Variants in PHF24 observed in about 807,000 individuals in gnomAD.
PHF24 encodes the protein PHD finger protein 24, also known as Galpha inhibitory interacting protein.
Under a neutral mutation model 42.6 loss-of-function variants are expected in PHF24, and 25 were observed. The ratio of observed to expected loss-of-function variants is 0.59; its 90% CI spans 0.43 to 0.82. The LOEUF is 0.82. Ranked by LOEUF, PHF24 falls within the 40% of genes least tolerant of loss-of-function variation. PHF24 has a pLI of 0.00. For missense variants in PHF24, 470 were observed against 538.1 expected, an observed-to-expected ratio of 0.87 and a Z score of 1.25; for synonymous variants, 185 against 204.8, an observed-to-expected ratio of 0.90 and a Z score of 0.83.
chr9:34,886,078 G>GA, the PHF24 span, among the ~76,000 whole-genome samples: 2 of 151,780 alleles, frequency 1.3e-5, no homozygotes, highest in East Asian at 3.9e-4. Flanking sequence ...CCTACCAGCA[G>GA]AAAAATGTCT....
the PHF24 span, among the ~76,000 whole-genome samples, chr9:34,802,371 G>A: frequency 6.6e-6 from 1 of 151,160 alleles, no homozygotes; most frequent in East Asian, 2.0e-4. Context: ...ACATGACCCA[G>A]GTCATTCCAA....
At chr9:34,809,037 TA>T in the PHF24 span, among the ~76,000 whole-genome samples, 14 of 104,080 alleles carry the variant, frequency 1.3e-4, no homozygotes, top group African/African-American at 4.5e-4. The surrounding 1 kb of genome is among the most constrained non-coding windows in gnomAD (Gnocchi z 4.1). Flanking sequence ...TAAAGTATAA[TA>T]AAAAAAAAAA....
the PHF24 span, among the ~76,000 whole-genome samples, chr9:34,758,034 G>T: frequency 2.0e-5 from 3 of 152,166 alleles, no homozygotes; most frequent in Non-Finnish European, 4.4e-5. The surrounding 1 kb of genome is among the most constrained non-coding windows in gnomAD (Gnocchi z 4.4). Flanking sequence ...GCTGAGGGCA[G>T]CCCACAGGGC....
the PHF24 span, among the ~76,000 whole-genome samples, chr9:34,760,718 G>A: frequency 6.6e-6 from 1 of 152,214 alleles, no homozygotes; most frequent in South Asian, 2.1e-4. Flanking sequence ...TGGGCCAAAC[G>A]CGGGGGCTCA....
the PHF24 span, among the ~76,000 whole-genome samples, chr9:34,942,613 T>C: frequency 3.9e-5 from 6 of 152,170 alleles, no homozygotes; most frequent in African/African-American, 1.4e-4. Flanking sequence ...TTTTTGGCCA[T>C]CCCATATGAA....
the PHF24 span, among the ~76,000 whole-genome samples, chr9:34,882,550 G>A: frequency 6.6e-5 from 10 of 152,038 alleles, no homozygotes; most frequent in African/African-American, 2.2e-4. Flanking sequence ...AAAATCACAA[G>A]TATTCCTGTA....
chr9:34,906,643 CAAAAAAAA>C, the PHF24 span, among the ~76,000 whole-genome samples: 2 of 66,142 alleles, frequency 3.0e-5, no homozygotes, highest in Non-Finnish European at 6.2e-5. Context: ...GACTCCATCT[CAAAAAAAA>C]AAAAAAAAAA....
At chr9:34,924,653 T>C in the PHF24 span, among the ~76,000 whole-genome samples, 1 of 152,216 alleles carries the variant, frequency 6.6e-6, no homozygotes, top group Non-Finnish European at 1.5e-5. Flanking sequence ...TTATTTTCAG[T>C]CTATTTGTGT....
chr9:34,786,070 G>T, the PHF24 span, among the ~76,000 whole-genome samples: 2 of 152,098 alleles, frequency 1.3e-5, no homozygotes, highest in East Asian at 1.9e-4. Context: ...CTAGCACAGG[G>T]CCTGTTATCC....
chr9:34,868,657 A>G, the PHF24 span, among the ~76,000 whole-genome samples: 2 of 152,222 alleles, frequency 1.3e-5, no homozygotes. Context: ...GCAACTGATT[A>G]GGAGGCTGCT....
chr9:34,697,286 T>C, the PHF24 span, among the ~76,000 whole-genome samples: 237 of 152,324 alleles, frequency 1.6e-3, 1 homozygote, highest in African/African-American at 5.6e-3. Context: ...TCAGTAGGTC[T>C]GTAGTGAAGC....
At chr9:34,911,717 A>C in the PHF24 span, among the ~76,000 whole-genome samples, 24,771 of 152,182 alleles carry the variant, frequency 0.16, 2,181 homozygotes, top group South Asian at 0.25. Context: ...AAGATTTAAA[A>C]AAAAAAAACT....
the PHF24 span, among the ~76,000 whole-genome samples, chr9:34,756,908 C>A: frequency 6.6e-6 from 1 of 151,358 alleles, no homozygotes; most frequent in South Asian, 2.1e-4. Flanking sequence ...TTTTTCTTTT[C>A]TTTTCTTTTC....
chr9:34,711,785 C>T, the PHF24 span, among the ~76,000 whole-genome samples: 4 of 152,126 alleles, frequency 2.6e-5, no homozygotes, highest in South Asian at 2.1e-4. Flanking sequence ...TCAAATGATC[C>T]GCTCACCTTG....
chr9:34,784,236 T>C, the PHF24 span, among the ~76,000 whole-genome samples: 1 of 152,146 alleles, frequency 6.6e-6, no homozygotes, highest in South Asian at 2.1e-4. Flanking sequence ...AGTTATATGG[T>C]TTTGTATGTG....
the PHF24 span, among the ~76,000 whole-genome samples, chr9:34,768,319 G>T: frequency 6.6e-6 from 1 of 152,290 alleles, no homozygotes; most frequent in African/African-American, 2.4e-5. Context: ...GCTCAAATAT[G>T]GGCCTCAGCA....
At chr9:34,877,975 T>C in the PHF24 span, among the ~76,000 whole-genome samples, 1 of 152,132 alleles carries the variant, frequency 6.6e-6, no homozygotes, top group South Asian at 2.1e-4. Context: ...ACTGTAATGG[T>C]TGATACATGT....
At chr9:34,769,275 C>A in the PHF24 span, among the ~76,000 whole-genome samples, 1 of 152,090 alleles carries the variant, frequency 6.6e-6, no homozygotes, top group Non-Finnish European at 1.5e-5. Context: ...AACACCACGC[C>A]TGGCTAATTT....
chr9:34,687,655 C>T, the PHF24 span, among the ~76,000 whole-genome samples: 3 of 152,218 alleles, frequency 2.0e-5, no homozygotes, highest in Admixed American at 2.0e-4. Context: ...TGCCCTGCTC[C>T]GTCTGTGTGT....
Sources: allele counts gnomAD v4.1 joint callset (sites outside exome capture counted in the v4.1 genomes callset), GRCh38; gene constraint gnomAD v4.1.1; non-coding constraint Gnocchi (gnomAD v3.1); transcripts MANE v1.5; gene names NCBI Gene and HGNC (gene_info 2026-07-23, HGNC 2026-07-21).